The following PRKAA1 variants were observed in gnomAD, a reference collection of about 807,000 sequenced individuals.
The protein encoded by PRKAA1 is 5'-AMP-activated protein kinase catalytic subunit alpha-1.
Under a neutral mutation model 56.9 loss-of-function variants are expected in PRKAA1, and 23 were observed. That is an observed-to-expected ratio of 0.40 (90% CI 0.29 to 0.57). The LOEUF (loss-of-function observed/expected upper bound fraction) is 0.57, where lower values mean the gene tolerates loss of function less well. Among genes scored for constraint, PRKAA1 ranks in the 20% least tolerant of loss-of-function variants. The pLI is 0.39. For missense variants in PRKAA1, 413 were observed against 679.7 expected, an observed-to-expected ratio of 0.61 and a Z score of 4.36; for synonymous variants, 226 against 227.0, an observed-to-expected ratio of 1.00 and a Z score of 0.04.
In PRKAA1 at chr5:40,761,403, T is replaced by C. The variant is rs1743180034; in HGVS notation, c.*1375A>G. ...AAGTATGTCTGTAACATCCAAATGG[T>C]TCAGGGGGAAAAAAGCATATATACA... On this transcript the variant is annotated 3_prime_UTR_variant, in exon 9 of 9. Transcript: ENST00000397128. 6.6e-6 allele frequency: 1 copy of C among 152,082 alleles called. No homozygotes were observed. The highest frequency in any genetic ancestry group is 2.1e-4 in the South Asian group (1 of 4,828). 9.4% of individuals were successfully genotyped at this position (152,082 alleles called of 1,614,324 possible).
At chr5:40,778,112 T>C (rs1453512432) in intron 1 of PRKAA1, among the ~76,000 whole-genome samples, 1 of 150,888 alleles carries the variant, frequency 6.6e-6, no homozygotes, top group Non-Finnish European at 1.5e-5. Context: ...CTGGGTGCAG[T>C]GGTGGCACAT....
rs539090066 is a variant in PRKAA1, at chr5:40,773,324, C to T, written c.364-1461G>A. On this transcript the variant is annotated intron_variant, in intron 3 of 8. Transcript: ENST00000397128. ...TCAAATATGAAAAAATAGGAGAAAA[C>T]TTGATTAAACAAAATATAAAAAGTA... is the stretch of plus-strand genomic sequence containing the variant. 2.2e-4 allele frequency among the ~76,000 whole-genome samples: 31 copies of T among 142,984 alleles called. No homozygotes were observed. In the South Asian group the frequency reaches 4.6e-3, roughly 21 times the overall value. The allele number at this position is 142,984 out of a possible 152,430, so 93.8% of individuals were successfully genotyped here. A position where few individuals can be genotyped will look rare whatever the true frequency, so the allele number is the denominator to read the frequency against.
chr5:40,769,054 A>G (rs557002648), intron 5 of PRKAA1: 10 of 749,918 alleles, frequency 1.3e-5, no homozygotes, highest in African/African-American at 1.1e-4. Context: ...CCATCTATGT[A>G]AAAAATTAAA....
chr5:40,764,323 A>G (rs181025985), intron 8 of PRKAA1, 191 bp downstream of exon 8: 11 of 531,656 alleles, frequency 2.1e-5, no homozygotes, highest in African/African-American at 1.7e-4. Flanking sequence ...TTAAAAGGAC[A>G]ATATGCTATA....
chr5:40,771,514 G>C (rs887583313), intron 4 of PRKAA1, among the ~76,000 whole-genome samples: 5 of 152,054 alleles, frequency 3.3e-5, no homozygotes, highest in African/African-American at 1.2e-4. Context: ...TAAAATAATA[G>C]TAATAAAGAC....
intron 2 of PRKAA1, 151 bp from the exon 3 acceptor site, chr5:40,775,654 T>C: frequency 3.3e-6 from 2 of 602,870 alleles, no homozygotes; most frequent in Non-Finnish European, 5.9e-6. Flanking sequence ...ATGGAGTTCA[T>C]GTTCCAGGAA....
At chr5:40,775,578 C>G in intron 2 of PRKAA1, 75 bp from the exon 3 acceptor site, 1 of 1,178,418 alleles carries the variant, frequency 8.5e-7, no homozygotes, top group Non-Finnish European at 1.2e-6. Context: ...TACTAAGCAC[C>G]TATAGTATAC....
intron 5 of PRKAA1, 22 bp from the exon 6 acceptor site, chr5:40,767,712 G>A: frequency 1.1e-5 from 17 of 1,529,184 alleles, no homozygotes; most frequent in East Asian, 4.6e-5. Flanking sequence ...AATAACAATT[G>A]GATTAAAGAA....
intron 1 of PRKAA1, among the ~76,000 whole-genome samples, chr5:40,790,424 T>C (rs1049733938): frequency 6.6e-6 from 1 of 152,104 alleles, no homozygotes; most frequent in African/African-American, 2.4e-5. Context: ...TTTAGCAGGA[T>C]AGGGCTTTTT....
Position 40,787,359 on chromosome 5 carries a change from C to A in PRKAA1, c.128-9773G>T, listed in dbSNP as rs571640390. ...GCATGCCTGTAATCCCAGCTACTCA[C>A]GAGGCTGAGGCAGGAGAATAGCTTG... is the stretch of plus-strand genomic sequence containing the variant. On this transcript the variant is annotated intron_variant, in intron 1 of 8. Transcript: ENST00000397128. Among the ~76,000 whole-genome samples, 6 of 151,408 alleles carry A rather than the reference C, an allele frequency of 4.0e-5. No homozygotes were observed. The South Asian group carries it at 1.0e-3, about 26-fold the overall frequency.
rs559251134 is a variant in PRKAA1 at position 40,767,319 on chromosome 5, A to T, written c.821+147T>A. On this transcript the variant is annotated intron_variant, in intron 6 of 8. Transcript: ENST00000397128. ...CAGTTTACTATGTATTTCTAATAAC[A>T]AAATAAAATAAATGTGTCTATACAC... is the stretch of plus-strand genomic sequence containing the variant. 5.8e-5 allele frequency: 36 copies of T among 615,684 alleles called. No homozygotes were observed. In the East Asian group the frequency reaches 1.0e-3, roughly 18 times the overall value. 38.1% of individuals were successfully genotyped at this position (615,684 alleles called of 1,614,324 possible). A position where few individuals can be genotyped will look rare whatever the true frequency, so the allele number is the denominator to read the frequency against.
chr5:40,763,060 C>A (rs1271174295), intron 8 of PRKAA1, 38 bp from the exon 9 acceptor site: 3 of 1,597,302 alleles, frequency 1.9e-6, no homozygotes, highest in Admixed American at 1.7e-5. Context: ...TAGTCTATGA[C>A]CTTCTCCCAA....
chr5:40,774,438 A>C (rs1243392084), intron 3 of PRKAA1, among the ~76,000 whole-genome samples: 3 of 152,168 alleles, frequency 2.0e-5, no homozygotes, highest in African/African-American at 7.2e-5. Flanking sequence ...TTAATATTCA[A>C]CTGGTAAAAC....
chr5:40,783,029 G>A (rs1579745090), intron 1 of PRKAA1, among the ~76,000 whole-genome samples: 2 of 152,148 alleles, frequency 1.3e-5, no homozygotes, highest in South Asian at 2.1e-4. Flanking sequence ...AAGTATGATC[G>A]TATCACAGTG....
In PRKAA1 at chr5:40,762,732, A is replaced by C. The variant is rs1305711149; in HGVS notation, c.*46T>G. ...AAATGGAAGCATTTGGCTGTGACTT[A>C]TTATGCATGCTTATTGCTGCAAAAG... On this transcript the variant is annotated 3_prime_UTR_variant, in exon 9 of 9. Coordinates refer to ENST00000397128, the MANE Select transcript of PRKAA1 (RefSeq NM_006251.6). The C allele has an allele frequency of 1.2e-6, 2 of 1,603,094 alleles. No individual in the cohort carries two copies. The highest frequency in any genetic ancestry group is 1.7e-6 in the Non-Finnish European group (2 of 1,173,054).
At chr5:40,788,219 T>C (rs919178218) in intron 1 of PRKAA1, among the ~76,000 whole-genome samples, 1 of 152,168 alleles carries the variant, frequency 6.6e-6, no homozygotes. Context: ...TAAATGCATA[T>C]ATCTATAATC....
chr5:40,781,506 C>G (rs909836489), intron 1 of PRKAA1, among the ~76,000 whole-genome samples: 1 of 151,912 alleles, frequency 6.6e-6, no homozygotes, highest in Non-Finnish European at 1.5e-5. Context: ...TGGAGAAGGC[C>G]TAGAAGGCAA....
At chr5:40,792,424 C>T (rs889727883) in intron 1 of PRKAA1, among the ~76,000 whole-genome samples, 4 of 152,092 alleles carry the variant, frequency 2.6e-5, no homozygotes, top group Admixed American at 2.6e-4. Flanking sequence ...ATTTCATACA[C>T]GAGTACATCT....
At position 40,798,103 on chromosome 5, in the gene PRKAA1, C is replaced by T. The variant is rs1390692637; in HGVS notation, c.87G>A (p.Leu29=). The change falls in exon 1 of 9, where the codon CTG becomes CTA. Residue 29 remains leucine (L), a synonymous_variant. Coordinates refer to ENST00000397128, the MANE Select transcript of PRKAA1 (RefSeq NM_006251.6). ...DGRVKIGHYI[L]GDTLGVGTFG... is the part of the protein sequence containing the mutation. ...AGGTGCCGACCCCCAGCGTGTCACCCAGAATGTAGTGGCCGATCTTCACCC... is the reference window on the plus strand; with the variant it reads ...AGGTGCCGACCCCCAGCGTGTCACCTAGAATGTAGTGGCCGATCTTCACCC... The T allele has an allele frequency of 6.2e-7, 1 of 1,608,970 alleles. No individual in the cohort carries two copies. The highest frequency in any genetic ancestry group is 1.7e-5 in the Admixed American group (1 of 59,742).
Sources: allele counts gnomAD v4.1 joint callset (sites outside exome capture counted in the v4.1 genomes callset), GRCh38; gene constraint gnomAD v4.1.1; transcripts MANE v1.5; gene names NCBI Gene and HGNC (gene_info 2026-07-23, HGNC 2026-07-21).